The following MDFI variants were observed in gnomAD, a reference collection of about 807,000 sequenced individuals.
MDFI encodes MyoD family inhibitor, also known as inhibitor of MyoD family a.
In MDFI, 16 loss-of-function variants were observed where a neutral mutation model predicts 22.3. That is an observed-to-expected ratio of 0.72 (90% CI 0.49 to 1.09). The LOEUF (loss-of-function observed/expected upper bound fraction) is 1.09. Among genes scored for constraint, MDFI ranks in the 50% least tolerant of loss-of-function variants. The pLI is 0.00. For synonymous variants in MDFI, 145 were observed against 142.7 expected (o/e 1.02, Z -0.12); for missense variants, 314 against 326.1 (o/e 0.96, Z 0.29).
At chr6:41,652,011 G>A (rs1768287804) in intron 4 of MDFI, among the ~76,000 whole-genome samples, 1 of 152,240 alleles carries the variant, frequency 6.6e-6, no homozygotes, top group Non-Finnish European at 1.5e-5. Context: ...TCCGGTAGAA[G>A]GAGATGACAA....
At chr6:41,640,864 C>A (rs1344595231) in intron 2 of MDFI, among the ~76,000 whole-genome samples, 1 of 152,248 alleles carries the variant, frequency 6.6e-6, no homozygotes, top group East Asian at 1.9e-4. Context: ...CTCCCTAGCC[C>A]ACAGGCACAT....
chr6:41,639,795 G>C, intron 2 of MDFI: 1 of 985,408 alleles, frequency 1.0e-6, no homozygotes, highest in South Asian at 4.7e-5. Context: ...CTGAACCTCT[G>C]ACACGAACTC....
chr6:41,639,657 G>A, intron 2 of MDFI: 2 of 985,458 alleles, frequency 2.0e-6, no homozygotes, highest in Non-Finnish European at 2.4e-6. Flanking sequence ...AGGGCCAGGG[G>A]AACCGCGTGC....
chr6:41,652,142 G>A (rs1405921668), intron 4 of MDFI, among the ~76,000 whole-genome samples: 1 of 152,344 alleles, frequency 6.6e-6, no homozygotes. Context: ...GTATTGAAGC[G>A]GGTGGTGGAA....
intron 2 of MDFI, among the ~76,000 whole-genome samples, chr6:41,641,429 G>A (rs1473217904): frequency 6.6e-6 from 1 of 152,198 alleles, no homozygotes; most frequent in Non-Finnish European, 1.5e-5. Context: ...GGAGGGGTAG[G>A]ATCTTCTGGT....
chr6:41,650,156 C>T (rs1246877141), intron 4 of MDFI: 5 of 335,270 alleles, frequency 1.5e-5, no homozygotes, highest in Admixed American at 5.0e-5. Context: ...GTTGCTGTGA[C>T]AAGGAACGGA....
chr6:41,646,353 T>G, intron 3 of MDFI, 45 bp downstream of exon 3: 393 of 1,364,258 alleles, frequency 2.9e-4, no homozygotes, highest in Non-Finnish European at 3.5e-4. Context: ...CATGTAGGGT[T>G]GCACTAGGGA....
At position 41,638,928 on chromosome 6, in the gene MDFI, C is replaced by A; in HGVS notation, c.76+103C>A. On this transcript the variant is annotated intron_variant, in intron 2 of 4. Transcript: ENST00000230321. The surrounding 1 kb of genome is among the most constrained non-coding windows in gnomAD (Gnocchi z 7.6). ...CGTCCCCAGACGCGGGGAGACCGTTCCAGGGAGCTTGGTGGGGGTAGGGAC... is the reference window on the plus strand; with the variant it reads ...CGTCCCCAGACGCGGGGAGACCGTTACAGGGAGCTTGGTGGGGGTAGGGAC... 1.6e-6 allele frequency: 2 copies of A among 1,285,924 alleles called. No homozygotes were observed. Among genetic ancestry groups the A allele is most frequent in the Non-Finnish European group, 2.1e-6 (2 of 950,642 alleles). The allele number at this position is 1,285,924 out of a possible 1,614,324, so 79.7% of individuals were successfully genotyped here. A position where few individuals can be genotyped will look rare whatever the true frequency, so the allele number is the denominator to read the frequency against.
In MDFI at chr6:41,649,824, C is replaced by A; in HGVS notation, c.465C>A (p.Ile155=). 6.2e-7 allele frequency: 1 copy of A among 1,613,720 alleles called. No homozygotes were observed. Among genetic ancestry groups the A allele is most frequent in the Non-Finnish European group, 8.5e-7 (1 of 1,179,852 alleles). ...KSSSKSTTSQ[I]PLQAQEDCCV... is the part of the protein sequence containing the mutation. Reference sequence around the variant, plus strand: ...GCAGCAAATCCACCACCTCCCAGATCCCCCTCCAGGCACAGGAAGGTAAGC... The same window carrying A: ...GCAGCAAATCCACCACCTCCCAGATACCCCTCCAGGCACAGGAAGGTAAGC... The change falls in exon 4 of 5, where the codon ATC becomes ATA. Residue 155 remains isoleucine (I), a synonymous_variant. Coordinates refer to ENST00000230321, the MANE Select transcript of MDFI (RefSeq NM_005586.4).
At position 41,649,875 on chromosome 6, in the gene MDFI, G is replaced by T. The variant is rs375945052; in HGVS notation, c.484+32G>T. 135 of 1,593,402 alleles carry T rather than the reference G, an allele frequency of 8.5e-5. No homozygotes were observed. The African/African-American group carries it at 1.5e-3, about 17-fold the overall frequency. Reference sequence around the variant, plus strand: ...ACCCATCCCATCTCTCCCTGGGAGAGGCCTCCAAAGCCGGGTTCCTCGAAG... The same window carrying T: ...ACCCATCCCATCTCTCCCTGGGAGATGCCTCCAAAGCCGGGTTCCTCGAAG... On this transcript the variant is annotated intron_variant, in intron 4 of 4. Transcript: ENST00000230321.
chr6:41,638,653 G>C lies in MDFI; in HGVS notation c.-12+1G>C. On this transcript the variant is annotated splice_donor_variant, in intron 1 of 4. Coordinates refer to ENST00000230321, the MANE Select transcript of MDFI (RefSeq NM_005586.4). LOFTEE classifies it low-confidence loss of function (5UTR_SPLICE). This position sits in a 1 kb window ranked among gnomAD's most constrained non-coding sequence, Gnocchi z 7.6. ...AGAGAGCGTAGCACGGCTCGCACGA[G>C]TGAGTGGACGTGGGAGGCGCGCATC... 1.5e-6 allele frequency: 2 copies of C among 1,339,622 alleles called. No individual in the cohort carries two copies. Among genetic ancestry groups the C allele is most frequent in the South Asian group, 2.6e-5 (2 of 77,144 alleles). The allele number at this position is 1,339,622 out of a possible 1,614,324, so 83.0% of individuals were successfully genotyped here.
Position 41,653,235 on chromosome 6 carries a change from G to GCGGGCCCC in MDFI, c.485-83_485-82insGGGCCCCC. On this transcript the variant is annotated intron_variant, in intron 4 of 4. Transcript: ENST00000230321. This position sits in a 1 kb window ranked among gnomAD's most constrained non-coding sequence, Gnocchi z 4.2. ...CAGCGTCCCTGCTGCTGCCGCTGCC[G>GCGGGCCCC]CAGGCCCCCACACCCCCGGCTATTT... is the stretch of plus-strand genomic sequence containing the variant. 7.1e-7 allele frequency: 1 copy of GCGGGCCCC among 1,409,408 alleles called. No individual in the cohort carries two copies. The highest frequency in any genetic ancestry group is 9.8e-7 in the Non-Finnish European group (1 of 1,018,464). 87.3% of individuals were successfully genotyped at this position (1,409,408 alleles called of 1,614,324 possible).
At chr6:41,652,790 G>A (rs373788345) in intron 4 of MDFI, among the ~76,000 whole-genome samples, 33 of 151,836 alleles carry the variant, frequency 2.2e-4, no homozygotes, top group African/African-American at 7.7e-4. Context: ...CTAATTTTTT[G>A]TATTTTTAAT....
intron 2 of MDFI, chr6:41,639,573 G>A (rs1190864030): frequency 1.0e-6 from 1 of 985,304 alleles, no homozygotes; most frequent in Admixed American, 6.1e-5. Context: ...CCCCTCACTG[G>A]CCAGATGCCT....
chr6:41,650,361 G>A (rs1217982692), intron 4 of MDFI, among the ~76,000 whole-genome samples: 1 of 152,166 alleles, frequency 6.6e-6, no homozygotes, highest in Non-Finnish European at 1.5e-5. Context: ...AGGGCCACAG[G>A]GGCAGCCAGT....
intron 4 of MDFI, 119 bp downstream of exon 4, chr6:41,649,962 A>C: frequency 1.5e-5 from 13 of 870,898 alleles, no homozygotes; most frequent in Non-Finnish European, 1.9e-5. Flanking sequence ...GCAGGATCTC[A>C]GCCTCCTTCC....
intron 2 of MDFI, among the ~76,000 whole-genome samples, chr6:41,641,558 G>A (rs1018462643): frequency 7.2e-5 from 11 of 152,160 alleles, no homozygotes; most frequent in Non-Finnish European, 1.5e-4. Context: ...TTGAAGGTCC[G>A]GACTGAGGCC....
rs1157606081 is a variant in MDFI, at chr6:41,638,709, G to T, written c.-11-30G>T. The T allele has an allele frequency of 1.3e-6, 2 of 1,541,006 alleles. No homozygotes were observed. The highest frequency in any genetic ancestry group is 8.7e-7 in the Non-Finnish European group (1 of 1,147,454). ...GGGAATCGCCCCTTGCCCGCCTCCG[G>T]CGCCGCCCGCTGAGCCCTGTTTTCC... On this transcript the variant is annotated intron_variant, in intron 1 of 4. Transcript: ENST00000230321. This position sits in a 1 kb window ranked among gnomAD's most constrained non-coding sequence, Gnocchi z 7.6.
At chr6:41,643,667 GAGAA>G in intron 2 of MDFI, among the ~76,000 whole-genome samples, 1 of 150,992 alleles carries the variant, frequency 6.6e-6, no homozygotes, top group South Asian at 2.1e-4. Context: ...AAAAGAGAGA[GAGAA>G]AGGAGGGAGG....
Sources: allele counts gnomAD v4.1 joint callset (sites outside exome capture counted in the v4.1 genomes callset), GRCh38; gene constraint gnomAD v4.1.1; non-coding constraint Gnocchi (gnomAD v3.1); transcripts MANE v1.5; gene names NCBI Gene and HGNC (gene_info 2026-07-23, HGNC 2026-07-21).